Variants in SMAP2 observed in about 807,000 individuals in gnomAD.
SMAP2 encodes the protein small ArfGAP2, also known as stromal membrane-associated protein 2.
A neutral mutation model predicts 56.4 loss-of-function variants in SMAP2; 25 were observed. The observed-to-expected ratio is 0.44, with a 90% CI of 0.32 to 0.62. The LOEUF is 0.62. Ranked by LOEUF, SMAP2 falls within the 20% of genes least tolerant of loss-of-function variation. The probability of loss-of-function intolerance (pLI) is 0.04; values close to 1 mark genes in which losing one functional copy is unlikely to be tolerated. For missense variants in SMAP2, 388 were observed against 545.6 expected, an observed-to-expected ratio of 0.71 and a Z score of 2.88; for synonymous variants, 157 against 181.7, an observed-to-expected ratio of 0.86 and a Z score of 1.09.
chr1:40,345,888 G>A lies in SMAP2; in HGVS notation c.-83+978G>A, dbSNP rs141822275. Among the ~76,000 whole-genome samples the A allele has an allele frequency of 5.0e-3, 599 of 120,094 alleles. 4 individuals are homozygous for A. Among genetic ancestry groups the A allele is most frequent in the East Asian group, 0.045 (192 of 4,242 alleles). The allele number at this position is 120,094 out of a possible 152,430, so 78.8% of individuals were successfully genotyped here. A position where few individuals can be genotyped will look rare whatever the true frequency, so the allele number is the denominator to read the frequency against. On this transcript the variant is annotated intron_variant, in intron 1 of 6. Transcript: ENST00000435168. The stretch of plus-strand genomic sequence containing the variant: ...ATATTATATTGTATTATATTGTATT[G>A]TATTATATTATATTATATTATATTA...
At chr1:40,362,862 A>AC (rs1644465032) in intron 2 of SMAP2, among the ~76,000 whole-genome samples, 1 of 152,192 alleles carries the variant, frequency 6.6e-6, no homozygotes. Context: ...TTCCAGGGTG[A>AC]TGATTACATA....
chr1:40,353,554 G>C (rs768381052), intron 1 of SMAP2, among the ~76,000 whole-genome samples: 1 of 152,030 alleles, frequency 6.6e-6, no homozygotes, highest in Non-Finnish European at 1.5e-5. Context: ...ATTTTTAGTA[G>C]AGATGGGTTT....
intron 1 of SMAP2, among the ~76,000 whole-genome samples, chr1:40,350,499 A>C (rs1324077461): frequency 2.0e-5 from 3 of 152,226 alleles, no homozygotes; most frequent in Non-Finnish European, 2.9e-5. Flanking sequence ...TGGGTGACCC[A>C]TCTATTTCTC....
chr1:40,353,623 G>T (rs934247299), intron 1 of SMAP2, among the ~76,000 whole-genome samples: 1 of 152,112 alleles, frequency 6.6e-6, no homozygotes, highest in Non-Finnish European at 1.5e-5. Context: ...ACCCTCCTTG[G>T]CCTCCCAAAG....
chr1:40,372,876 A>T (rs529379770), upstream of SMAP2, among the ~76,000 whole-genome samples: 1 of 152,308 alleles, frequency 6.6e-6, no homozygotes, highest in African/African-American at 2.4e-5. Flanking sequence ...CATCGTGCTC[A>T]GTGAATGAAT....
chr1:40,415,387 T>G lies in SMAP2; in HGVS notation c.681+6T>G. The G allele has an allele frequency of 1.3e-6, 2 of 1,541,884 alleles. No homozygotes were observed. The highest frequency in any genetic ancestry group is 1.8e-6 in the Non-Finnish European group (2 of 1,114,622). On this transcript the variant is annotated splice_donor_region_variant and intron_variant, in intron 7 of 9. Transcript: ENST00000372718. ...CTTCTTCCGGTTCCAGAAAGGTGAG[T>G]CTTGTGGGCTCCTCAGGATTAAAGA...
chr1:40,356,406 T>TG (rs1557822037), intron 1 of SMAP2, among the ~76,000 whole-genome samples: 3 of 112,206 alleles, frequency 2.7e-5, no homozygotes, highest in African/African-American at 1.4e-4. Context: ...GGGTTTTTTG[T>TG]TTTTTTTTGT....
chr1:40,416,296 A>G lies in SMAP2; in HGVS notation c.802A>G (p.Ile268Val), dbSNP rs753773728. The G allele has an allele frequency of 6.2e-7, 1 of 1,614,130 alleles. No homozygotes were observed. The highest frequency in any genetic ancestry group is 1.1e-5 in the South Asian group (1 of 91,078). The part of the protein sequence containing the change: ...IGKKQLSKDS[I>V]LSLYGSQTPQ... ...CAAGAAACAGCTCTCTAAAGACTCC[A>G]TTCTTTCACTGTATGGATCCCAGAC... Residue 268 changes from isoleucine to valine, a missense_variant, in exon 8 of 10, where the codon ATT becomes GTT. Ile to Val is a conservative substitution (Grantham distance 29, BLOSUM62 3). Coordinates refer to ENST00000372718, the MANE Select transcript of SMAP2 (RefSeq NM_022733.3).
At chr1:40,347,232 G>T (rs1434198973) in intron 1 of SMAP2, among the ~76,000 whole-genome samples, 1 of 110,500 alleles carries the variant, frequency 9.0e-6, no homozygotes, top group Non-Finnish European at 1.7e-5. Flanking sequence ...GTGTGTTTGT[G>T]TGTGTGTGTT....
At chr1:40,349,804 C>T (rs975752057) in intron 1 of SMAP2, among the ~76,000 whole-genome samples, 1 of 152,218 alleles carries the variant, frequency 6.6e-6, no homozygotes, top group African/African-American at 2.4e-5. Flanking sequence ...TAGGCGTGAG[C>T]CACCATGCCC....
chr1:40,420,814 G>A (rs1340260089), intron 9 of SMAP2, among the ~76,000 whole-genome samples: 5 of 152,152 alleles, frequency 3.3e-5, no homozygotes, highest in African/African-American at 9.7e-5. Flanking sequence ...ACTGTCCTGG[G>A]TTCTTAAAAA....
chr1:40,371,423 T>G (rs1201237234), upstream of SMAP2, among the ~76,000 whole-genome samples: 1 of 152,218 alleles, frequency 6.6e-6, no homozygotes, highest in Non-Finnish European at 1.5e-5. Context: ...TAGGATAGGC[T>G]AGCTTATACA....
rs41312030 is a variant in SMAP2, at chr1:40,417,075, G to A, written c.1143G>A (p.Gln381=). ...QTVYGVQPAQ[Q]LQWNLTQMTQ... ...TGTATGGGGTCCAGCCAGCTCAGCA[G>A]CTGCAATGGAACCTTACTCAGGTAA... Residue 381 remains glutamine (Q), a synonymous_variant, in exon 9 of 10, where the codon CAG becomes CAA. Coordinates refer to ENST00000372718, the MANE Select transcript of SMAP2 (RefSeq NM_022733.3). The A allele has an allele frequency of 0.017, 27,277 of 1,603,134 alleles. 243 individuals are homozygous for A. Among genetic ancestry groups the A allele is most frequent in the Middle Eastern group, 0.026 (157 of 6,032 alleles).
chr1:40,396,023 G>A (rs563732119), intron 1 of SMAP2, among the ~76,000 whole-genome samples: 43 of 152,326 alleles, frequency 2.8e-4, no homozygotes, highest in African/African-American at 9.4e-4. Flanking sequence ...ACAGCAGTCT[G>A]TCTAATTGCT....
At chr1:40,382,258 A>T (rs1644606281) in intron 1 of SMAP2, among the ~76,000 whole-genome samples, 1 of 152,158 alleles carries the variant, frequency 6.6e-6, no homozygotes. Flanking sequence ...CATCTTGGAA[A>T]TCGTGTCATG....
intron 1 of SMAP2, among the ~76,000 whole-genome samples, chr1:40,398,330 A>G (rs921074080): frequency 3.7e-4 from 13 of 35,420 alleles, no homozygotes; most frequent in African/African-American, 3.1e-3. Flanking sequence ...CTTGGGCTCA[A>G]GCAGTACTCC....
intron 9 of SMAP2, among the ~76,000 whole-genome samples, chr1:40,419,429 C>A (rs1051720939): frequency 6.6e-6 from 1 of 151,818 alleles, no homozygotes. Flanking sequence ...TACAGGCACC[C>A]GCCACCACAC....
intron 1 of SMAP2, among the ~76,000 whole-genome samples, chr1:40,375,412 A>G (rs1644531994): frequency 6.6e-6 from 1 of 152,198 alleles, no homozygotes; most frequent in Non-Finnish European, 1.5e-5. Flanking sequence ...GACATATTTA[A>G]TTGATGCTTT....
chr1:40,377,601 G>A (rs1644552985), intron 1 of SMAP2, among the ~76,000 whole-genome samples: 1 of 152,168 alleles, frequency 6.6e-6, no homozygotes, highest in Non-Finnish European at 1.5e-5. Flanking sequence ...ATAGAACAGA[G>A]GACAAAACTA....
Sources: allele counts gnomAD v4.1 joint callset (sites outside exome capture counted in the v4.1 genomes callset), GRCh38; gene constraint gnomAD v4.1.1; transcripts MANE v1.5; gene names NCBI Gene and HGNC (gene_info 2026-07-23, HGNC 2026-07-21).